Variants in NEK11 observed in about 807,000 individuals in gnomAD.
NEK11 encodes NIMA related kinase 11.
In NEK11, 72 loss-of-function variants were observed where a neutral mutation model predicts 80.7. The ratio of observed to expected loss-of-function variants is 0.89; its 90% CI spans 0.74 to 1.08. NEK11 has a LOEUF of 1.08. Among genes scored for constraint, NEK11 ranks in the 50% least tolerant of loss-of-function variants. The pLI is 0.00. For missense variants in NEK11, 764 were observed against 763.6 expected (o/e 1.00, Z -0.01); for synonymous variants, 251 against 260.7 (o/e 0.96, Z 0.36).
rs781261694 is a variant in NEK11 at position 131,170,833 on chromosome 3, C to T, written c.1345C>T (p.Leu449Phe). ...PESQPIPSMD[L>F]HELESIVEDA... ...GTCTCAGCCTATTCCTTCCATGGAC[C>T]TCCACGAACTTGAATCAATTGTAGA... The change falls in exon 14 of 18, where the codon CTC becomes TTC. Residue 449 changes from leucine to phenylalanine, a missense_variant. By Grantham distance (22) the Leu-to-Phe change is conservative. Transcript: ENST00000383366. 1.2e-6 allele frequency: 2 copies of T among 1,614,110 alleles called. No individual in the cohort carries two copies. The highest frequency in any genetic ancestry group is 1.3e-5 in the African/African-American group (1 of 75,018).
intron 15 of NEK11, 97 bp from the exon 16 acceptor site, chr3:131,243,337 ATT>A (rs150346681): frequency 3.7e-6 from 4 of 1,078,864 alleles, no homozygotes; most frequent in Admixed American, 2.5e-5. Flanking sequence ...TTGGAACCAG[ATT>A]TTTTTTTCGC....
At chr3:131,258,893 A>G (rs993070846) in intron 16 of NEK11, among the ~76,000 whole-genome samples, 27 of 152,148 alleles carry the variant, frequency 1.8e-4, no homozygotes, top group African/African-American at 6.5e-4. Context: ...AGTCCTATTG[A>G]TACACTGAGA....
intron 17 of NEK11, among the ~76,000 whole-genome samples, chr3:131,310,952 G>C (rs889822412): frequency 1.3e-5 from 2 of 152,110 alleles, no homozygotes; most frequent in Non-Finnish European, 2.9e-5. Flanking sequence ...CCTAAGCCAT[G>C]GTTAGGAGAG....
At chr3:131,066,986 A>T (rs2072145129) in intron 3 of NEK11, among the ~76,000 whole-genome samples, 1 of 152,178 alleles carries the variant, frequency 6.6e-6, no homozygotes, top group Admixed American at 6.5e-5. Context: ...GGATTTTAAT[A>T]GTTTCCTAGC....
intron 14 of NEK11, among the ~76,000 whole-genome samples, chr3:131,210,962 A>C (rs1348808323): frequency 2.6e-5 from 4 of 152,204 alleles, no homozygotes; most frequent in Non-Finnish European, 5.9e-5. Flanking sequence ...TGGGGCATTT[A>C]GCCCATTTAC....
chr3:131,249,708 T>C (rs924018981), intron 16 of NEK11, among the ~76,000 whole-genome samples: 8 of 152,102 alleles, frequency 5.3e-5, no homozygotes, highest in Admixed American at 1.3e-4. Flanking sequence ...TTAGAAGATA[T>C]CTCTCTGACA....
rs778027266 is a variant in NEK11, at chr3:131,160,721, G to A, written c.963-1687G>A. On this transcript the variant is annotated intron_variant, in intron 10 of 17. Transcript: ENST00000383366. ...TGGCACACATAGGCTCAAAGTGAAG[G>A]ATGGAGAAAAATCTACCAAGCAAAT... Among the ~76,000 whole-genome samples, 16 of 152,286 alleles carry A rather than the reference G, an allele frequency of 1.1e-4. No homozygotes were observed. The East Asian group carries it at 3.1e-3, about 29-fold the overall frequency.
chr3:131,105,364 A>AATTTGG (rs1208731537), intron 4 of NEK11, among the ~76,000 whole-genome samples: 1 of 152,216 alleles, frequency 6.6e-6, no homozygotes, highest in East Asian at 1.9e-4. Context: ...TTTTTAGAAA[A>AATTTGG]ATTTATAAAT....
Position 131,103,367 on chromosome 3 carries a change from A to G in NEK11, c.337-6436A>G, listed in dbSNP as rs115093156. On this transcript the variant is annotated intron_variant, in intron 4 of 17. Transcript: ENST00000383366. Reference sequence around the variant, plus strand: ...ATTTCTGGATGTTTTCAGAGGGCCAATGCTCTATGCAGCTTCTTTATTTGT... The same window carrying G: ...ATTTCTGGATGTTTTCAGAGGGCCAGTGCTCTATGCAGCTTCTTTATTTGT... Among the ~76,000 whole-genome samples, 1,245 of 152,326 alleles carry G rather than the reference A, an allele frequency of 8.2e-3. 22 individuals carry two copies. Among genetic ancestry groups the G allele is most frequent in the African/African-American group, 0.028 (1,173 of 41,562 alleles).
At chr3:131,144,654 G>A (rs1264210543) in intron 7 of NEK11, among the ~76,000 whole-genome samples, 1 of 152,124 alleles carries the variant, frequency 6.6e-6, no homozygotes, top group Non-Finnish European at 1.5e-5. Context: ...TCTGAGATAT[G>A]GTAGGTAACC....
chr3:131,094,312 T>C lies in NEK11; in HGVS notation c.336+13724T>C, dbSNP rs542683023. Among the ~76,000 whole-genome samples, 40 of 152,076 alleles carry C rather than the reference T, an allele frequency of 2.6e-4. 1 individual carries two copies. The South Asian group carries it at 8.3e-3, about 32-fold the overall frequency. On this transcript the variant is annotated intron_variant, in intron 4 of 17. Coordinates refer to ENST00000383366, the MANE Select transcript of NEK11 (RefSeq NM_024800.5). ...TAACTGGTAAAAATATACTTTAGCA[T>C]AATGCATTAAAATCTTTCAATATTA...
intron 4 of NEK11, among the ~76,000 whole-genome samples, chr3:131,096,773 T>C (rs547912193): frequency 7.9e-5 from 12 of 152,138 alleles, no homozygotes; most frequent in Admixed American, 5.9e-4. Context: ...TTAGGGTACA[T>C]GTGCACAATG....
intron 3 of NEK11, among the ~76,000 whole-genome samples, chr3:131,033,942 C>G (rs2065248563): frequency 6.6e-6 from 1 of 152,086 alleles, no homozygotes; most frequent in Non-Finnish European, 1.5e-5. Flanking sequence ...TATTATGCAT[C>G]ATGAAATTCA....
chr3:131,221,957 A>T (rs113330273), intron 14 of NEK11, among the ~76,000 whole-genome samples: 1 of 152,290 alleles, frequency 6.6e-6, no homozygotes, highest in African/African-American at 2.4e-5. Flanking sequence ...GGCACACTCA[A>T]GTTTGACACA....
At chr3:131,304,700 G>A (rs1444043703) in intron 17 of NEK11, among the ~76,000 whole-genome samples, 1 of 152,172 alleles carries the variant, frequency 6.6e-6, no homozygotes, top group Non-Finnish European at 1.5e-5. Flanking sequence ...CAGTGCCTGA[G>A]CTTTGTTCTC....
intron 3 of NEK11, among the ~76,000 whole-genome samples, chr3:131,032,927 A>G (rs1983277): frequency 0.014 from 2,108 of 152,350 alleles, 45 homozygotes; most frequent in African/African-American, 0.048. Context: ...TGCAATTGGA[A>G]ACTTCTAATA....
chr3:131,043,619 A>C (rs1283478061), intron 3 of NEK11, among the ~76,000 whole-genome samples: 1 of 152,260 alleles, frequency 6.6e-6, no homozygotes, highest in African/African-American at 2.4e-5. Flanking sequence ...CTATGTGAAC[A>C]GACCAAATCT....
intron 5 of NEK11, among the ~76,000 whole-genome samples, chr3:131,122,846 G>A (rs910085455): frequency 6.6e-6 from 1 of 152,146 alleles, no homozygotes; most frequent in Non-Finnish European, 1.5e-5. Context: ...ACCTGATGGG[G>A]AGATGGAGAT....
chr3:131,220,509 A>G (rs75579020), intron 14 of NEK11, among the ~76,000 whole-genome samples: 2,441 of 152,310 alleles, frequency 0.016, 67 homozygotes, highest in African/African-American at 0.056. Context: ...TGGTCTTCAT[A>G]GAGGCCACAT....
Sources: allele counts gnomAD v4.1 joint callset (sites outside exome capture counted in the v4.1 genomes callset), GRCh38; gene constraint gnomAD v4.1.1; transcripts MANE v1.5; gene names NCBI Gene and HGNC (gene_info 2026-07-23, HGNC 2026-07-21).